The following ZDHHC3 variants were observed in gnomAD, a reference collection of about 807,000 sequenced individuals.
The protein encoded by ZDHHC3 is palmitoyltransferase ZDHHC3.
In ZDHHC3, 9 loss-of-function variants were observed where a neutral mutation model predicts 30.6. The observed-to-expected ratio is 0.29, with a 90% CI of 0.18 to 0.51. The LOEUF is 0.51. Ranked by LOEUF, ZDHHC3 falls within the 20% of genes least tolerant of loss-of-function variation. ZDHHC3 has a pLI of 0.97. For synonymous variants in ZDHHC3, 136 were observed against 140.2 expected (o/e 0.97, Z 0.21); for missense variants, 246 against 384.2 (o/e 0.64, Z 3.01).
chr3:44,952,681 C>T (rs1703570404), intron 2 of ZDHHC3, among the ~76,000 whole-genome samples: 1 of 152,170 alleles, frequency 6.6e-6, no homozygotes, highest in Non-Finnish European at 1.5e-5. Context: ...TTCCTTTCTA[C>T]CCTCAGGGGC....
intron 6 of ZDHHC3, 40 bp from the exon 7 acceptor site, chr3:44,926,887 A>G (rs1224500067): frequency 1.9e-6 from 3 of 1,558,422 alleles, no homozygotes; most frequent in African/African-American, 2.7e-5. Context: ...CAAGCACTGC[A>G]TTGCTGTGGT....
chr3:44,944,272 G>A (rs1334473898), intron 3 of ZDHHC3, among the ~76,000 whole-genome samples: 4 of 151,912 alleles, frequency 2.6e-5, no homozygotes, highest in African/African-American at 7.3e-5. Context: ...TCGGCCTCCC[G>A]AATAGCTGGG....
Position 44,924,714 on chromosome 3 carries a change from T to TG in ZDHHC3, c.*1974dup. On this transcript the variant is annotated 3_prime_UTR_variant, in exon 7 of 7. Transcript: ENST00000424952. ...TAGGGGAGGGCCAGAGCTGTAGCCCTGCTCTAGTTATTTAATACAATAACA... is the reference window on the plus strand; with the variant it reads ...TAGGGGAGGGCCAGAGCTGTAGCCCTGGCTCTAGTTATTTAATACAATAACA... The TG allele has an allele frequency of 2.0e-6, 2 of 985,500 alleles. No individual in the cohort carries two copies. The highest frequency in any genetic ancestry group is 2.4e-6 in the Non-Finnish European group (2 of 829,950). 61.0% of individuals were successfully genotyped at this position (985,500 alleles called of 1,614,324 possible). A position where few individuals can be genotyped will look rare whatever the true frequency, so the allele number is the denominator to read the frequency against.
In ZDHHC3 at chr3:44,926,124, A is replaced by G; in HGVS notation, c.*565T>C. The G allele has an allele frequency of 1.0e-6, 1 of 985,888 alleles. No individual in the cohort carries two copies. The highest frequency in any genetic ancestry group is 1.2e-6 in the Non-Finnish European group (1 of 829,996). The allele number at this position is 985,888 out of a possible 1,614,324, so 61.1% of individuals were successfully genotyped here. A position where few individuals can be genotyped will look rare whatever the true frequency, so the allele number is the denominator to read the frequency against. The stretch of plus-strand genomic sequence containing the variant: ...AAGGCAGGCAATTGCTTTGCGAGTT[A>G]GCAGGCAAACCGTGTCCACTTGGGG... On this transcript the variant is annotated 3_prime_UTR_variant, in exon 7 of 7. Coordinates refer to ENST00000424952, the MANE Select transcript of ZDHHC3 (RefSeq NM_001135179.2).
chr3:44,940,209 A>G (rs1202695937), intron 3 of ZDHHC3, among the ~76,000 whole-genome samples: 2 of 152,180 alleles, frequency 1.3e-5, no homozygotes, highest in African/African-American at 4.8e-5. Flanking sequence ...ATCACCTCAG[A>G]GCCAGCCCTT....
At chr3:44,950,821 C>T (rs913013882) in intron 2 of ZDHHC3, among the ~76,000 whole-genome samples, 13 of 152,312 alleles carry the variant, frequency 8.5e-5, no homozygotes, top group South Asian at 6.2e-4. Flanking sequence ...CCTGGACAGA[C>T]AGCAGGAGAT....
At position 44,949,235 on chromosome 3, in the gene ZDHHC3, G is replaced by A. The variant is rs566346438; in HGVS notation, c.307-3943C>T. Among the ~76,000 whole-genome samples the A allele has an allele frequency of 7.9e-5, 12 of 152,194 alleles. No homozygotes were observed. The South Asian group carries it at 2.1e-3, about 26-fold the overall frequency. On this transcript the variant is annotated intron_variant, in intron 2 of 6. Coordinates refer to ENST00000424952, the MANE Select transcript of ZDHHC3 (RefSeq NM_001135179.2). Reference sequence around the variant, plus strand: ...TATCTACAATACCAGTTAGAATACCGTTTTGGACATTAAATATGCTATAAA... The same window carrying A: ...TATCTACAATACCAGTTAGAATACCATTTTGGACATTAAATATGCTATAAA...
At position 44,921,878 on chromosome 3, in the gene ZDHHC3, T is replaced by C. The variant is rs1303719089; in HGVS notation, c.*4811A>G. 8 of 985,428 alleles carry C rather than the reference T, an allele frequency of 8.1e-6. No homozygotes were observed. Among genetic ancestry groups the C allele is most frequent in the Non-Finnish European group, 9.6e-6 (8 of 829,934 alleles). 61.0% of individuals were successfully genotyped at this position (985,428 alleles called of 1,614,324 possible). ...GCTGCAGAAATTCAGGGCATCCTTATGTCCGTGTTAGAGCATGTGCGGCCC... is the reference window on the plus strand; with the variant it reads ...GCTGCAGAAATTCAGGGCATCCTTACGTCCGTGTTAGAGCATGTGCGGCCC... On this transcript the variant is annotated 3_prime_UTR_variant, in exon 7 of 7. Transcript: ENST00000424952.
In ZDHHC3 at chr3:44,945,109, G is replaced by A. The variant is rs3749188; in HGVS notation, c.431+59C>T. The A allele has an allele frequency of 9.9e-5, 159 of 1,608,792 alleles. 1 individual carries two copies. The East Asian group carries it at 1.7e-3, about 17-fold the overall frequency. ...GCTACTCCAGGAGGCAGGTGTTGGC[G>A]GGGATGGAGGGAGGCAGGACAGTGG... On this transcript the variant is annotated intron_variant, in intron 3 of 6. Coordinates refer to ENST00000424952, the MANE Select transcript of ZDHHC3 (RefSeq NM_001135179.2).
intron 4 of ZDHHC3, chr3:44,933,481 G>C (rs780466788): frequency 8.9e-6 from 5 of 560,900 alleles, no homozygotes; most frequent in African/African-American, 1.9e-5. Flanking sequence ...CTGCCTGGGC[G>C]GGGGGTTCAA....
Position 44,933,329 on chromosome 3 carries a change from C to G in ZDHHC3, c.529-130G>C, listed in dbSNP as rs566569557. The G allele has an allele frequency of 7.7e-6, 6 of 777,862 alleles. No individual in the cohort carries two copies. In the South Asian group the frequency reaches 9.8e-5, roughly 13 times the overall value. 48.2% of individuals were successfully genotyped at this position (777,862 alleles called of 1,614,324 possible). A position where few individuals can be genotyped will look rare whatever the true frequency, so the allele number is the denominator to read the frequency against. On this transcript the variant is annotated intron_variant, in intron 4 of 6. Transcript: ENST00000424952. ...CAGGACAAGGCCTGACCAGGAGGGA[C>G]CAGAGGGCCAGCTAGCGATTCCCTA...
chr3:44,972,654 A>G lies in ZDHHC3; in HGVS notation c.-25+3279T>C, dbSNP rs139557871. On this transcript the variant is annotated intron_variant, in intron 1 of 6. Transcript: ENST00000424952. ...TTGTATTTGATACCTGGCCTGCACA[A>G]TTAGCACCTTATTATAGGCTGGCCT... is the stretch of plus-strand genomic sequence containing the variant. 1.5e-3 allele frequency among the ~76,000 whole-genome samples: 228 copies of G among 152,336 alleles called. 1 individual carries two copies. The highest frequency in any genetic ancestry group is 4.4e-3 in the East Asian group (23 of 5,186).
In ZDHHC3 at chr3:44,925,902, G is replaced by C; in HGVS notation, c.*787C>G. The C allele has an allele frequency of 1.0e-6, 1 of 985,808 alleles. No individual in the cohort carries two copies. The highest frequency in any genetic ancestry group is 1.2e-6 in the Non-Finnish European group (1 of 829,934). The allele number at this position is 985,808 out of a possible 1,614,324, so 61.1% of individuals were successfully genotyped here. ...AGCAGATGAAACAAAGGAAAACGTA[G>C]CTTGCCTGAAATTGTGTAATTTTTT... On this transcript the variant is annotated 3_prime_UTR_variant, in exon 7 of 7. Coordinates refer to ENST00000424952, the MANE Select transcript of ZDHHC3 (RefSeq NM_001135179.2).
chr3:44,945,138 AAG>A, intron 3 of ZDHHC3, 28 bp downstream of exon 3: 1 of 1,612,948 alleles, frequency 6.2e-7, no homozygotes, highest in Admixed American at 1.7e-5. Context: ...ACAGTGGGAG[AAG>A]AGAGGAGGCG....
intron 1 of ZDHHC3, among the ~76,000 whole-genome samples, chr3:44,968,207 C>T (rs758915448): frequency 1.3e-5 from 2 of 152,080 alleles, no homozygotes; most frequent in Non-Finnish European, 2.9e-5. Flanking sequence ...TGCTCCCTTA[C>T]ACACATTTGA....
rs1418980258 is a variant in ZDHHC3 at position 44,959,904 on chromosome 3, G to A, written c.-24-444C>T. Among the ~76,000 whole-genome samples the A allele has an allele frequency of 6.6e-6, 1 of 152,054 alleles. No individual in the cohort carries two copies. The highest frequency in any genetic ancestry group is 1.5e-5 in the Non-Finnish European group (1 of 68,024). On this transcript the variant is annotated intron_variant, in intron 1 of 6. Coordinates refer to ENST00000424952, the MANE Select transcript of ZDHHC3 (RefSeq NM_001135179.2). The surrounding 1 kb of genome is among the most constrained non-coding windows in gnomAD (Gnocchi z 4.3). ...AACCTCCCAAGTACCTAGAACTACA[G>A]GCACGCACCACCACACCTGGCTAAT...
intron 2 of ZDHHC3, among the ~76,000 whole-genome samples, chr3:44,952,565 G>A (rs1184935122): frequency 6.6e-6 from 1 of 152,184 alleles, no homozygotes; most frequent in African/African-American, 2.4e-5. Context: ...GGGCTCTTGA[G>A]GCCACCATAT....
chr3:44,964,024 C>A (rs1486329853), intron 1 of ZDHHC3, among the ~76,000 whole-genome samples: 1 of 152,208 alleles, frequency 6.6e-6, no homozygotes, highest in Non-Finnish European at 1.5e-5. Context: ...CCTAATAACA[C>A]TAGTCTTATT....
At chr3:44,975,120 T>TA (rs1258036545) in intron 1 of ZDHHC3, 1 of 152,022 alleles carries the variant, frequency 6.6e-6, no homozygotes, top group African/African-American at 2.4e-5. Flanking sequence ...AGAATTGCTT[T>TA]AACCTGCCCT....
Sources: gnomAD v4.1 joint callset for allele counts (sites outside exome capture counted in the v4.1 genomes callset) on GRCh38, gnomAD v4.1.1 for gene constraint, Gnocchi (gnomAD v3.1) non-coding constraint, MANE v1.5 for transcripts, NCBI Gene and HGNC (gene_info 2026-07-23, HGNC 2026-07-21) for gene names.